SMYD3: variants seen among roughly 807,000 people sequenced by gnomAD.
SMYD3 encodes SET and MYND domain containing 3.
In SMYD3, 36 loss-of-function variants were observed where a neutral mutation model predicts 57.7. That is an observed-to-expected ratio of 0.62 (90% confidence interval 0.48 to 0.82). SMYD3 has a LOEUF of 0.82. SMYD3 is among the 40% of genes least tolerant of loss of function. The pLI is 0.00. For synonymous variants in SMYD3, 211 were observed against 195.0 expected (o/e 1.08, Z -0.68); for missense variants, 515 against 538.8 (o/e 0.96, Z 0.44).
chr1:245,930,918 T>G (rs1207580277), intron 5 of SMYD3: 1 of 152,214 alleles, frequency 6.6e-6, no homozygotes, highest in Non-Finnish European at 1.5e-5. Flanking sequence ...CTGAAGGGAC[T>G]GCTGAAATGA....
At chr1:245,913,351 G>A (rs1245302660) in intron 8 of SMYD3, among the ~76,000 whole-genome samples, 4 of 150,010 alleles carry the variant, frequency 2.7e-5, no homozygotes, top group Non-Finnish European at 4.4e-5. Context: ...ATCACACACC[G>A]GGGCCTGTTG....
intron 1 of SMYD3, among the ~76,000 whole-genome samples, chr1:246,394,128 G>A (rs2066617472): frequency 2.0e-5 from 3 of 152,098 alleles, no homozygotes; most frequent in African/African-American, 7.2e-5. Flanking sequence ...GATACTAGTA[G>A]GACAATCATG....
At chr1:246,441,161 G>A (rs757919110) in intron 1 of SMYD3, among the ~76,000 whole-genome samples, 36 of 152,156 alleles carry the variant, frequency 2.4e-4, no homozygotes, top group Non-Finnish European at 1.5e-4. Context: ...TGAAAGAACC[G>A]ACTAGGAGTT....
At chr1:245,793,669 A>G (rs903123845) in intron 10 of SMYD3, among the ~76,000 whole-genome samples, 19 of 147,494 alleles carry the variant, frequency 1.3e-4, no homozygotes, top group African/African-American at 4.8e-4. Flanking sequence ...CCTCACCTCT[A>G]TGCTGTACCC....
chr1:245,754,838 C>T (rs766913455), intron 11 of SMYD3, among the ~76,000 whole-genome samples: 1 of 152,172 alleles, frequency 6.6e-6, no homozygotes, highest in Non-Finnish European at 1.5e-5. Flanking sequence ...GTCAGAGGGA[C>T]AGAATGTAAA....
At chr1:246,148,976 G>A (rs1233372881) in intron 5 of SMYD3, among the ~76,000 whole-genome samples, 3 of 152,208 alleles carry the variant, frequency 2.0e-5, no homozygotes, top group Non-Finnish European at 4.4e-5. Flanking sequence ...GTGGGTCCCA[G>A]GACAAATGCA....
At chr1:246,412,830 C>T (rs1433412982) in intron 1 of SMYD3, among the ~76,000 whole-genome samples, 2 of 146,106 alleles carry the variant, frequency 1.4e-5, no homozygotes, top group African/African-American at 2.5e-5. Context: ...TGCACTCCAG[C>T]CTCAGCAACA....
intron 10 of SMYD3, among the ~76,000 whole-genome samples, chr1:245,814,861 AGCACACACACACGCACGCACACACGCAT>A (rs1264043337): frequency 6.9e-6 from 1 of 144,744 alleles, no homozygotes; most frequent in Non-Finnish European, 1.5e-5. Flanking sequence ...CACACACGCA[AGCACACACACACGCACGCACACACGCAT>A]GCACACACAC....
intron 1 of SMYD3, among the ~76,000 whole-genome samples, chr1:246,446,943 C>T (rs1162682556): frequency 1.3e-5 from 2 of 151,286 alleles, no homozygotes; most frequent in South Asian, 2.1e-4. Flanking sequence ...GCAGGAGAAT[C>T]GCTTGAACCC....
At chr1:246,288,263 G>A (rs1460088175) in intron 5 of SMYD3, among the ~76,000 whole-genome samples, 4 of 151,550 alleles carry the variant, frequency 2.6e-5, no homozygotes, top group Admixed American at 6.6e-5. Context: ...CAGTAGAGAC[G>A]GGGTTTCACC....
At chr1:246,055,355 C>T (rs1299938378) in intron 5 of SMYD3, among the ~76,000 whole-genome samples, 1 of 152,138 alleles carries the variant, frequency 6.6e-6, no homozygotes, top group Admixed American at 6.5e-5. Flanking sequence ...TACTCCTACT[C>T]TGCAGGCTGA....
chr1:246,122,185 G>C (rs933591282), intron 5 of SMYD3, among the ~76,000 whole-genome samples: 1 of 152,154 alleles, frequency 6.6e-6, no homozygotes, highest in Non-Finnish European at 1.5e-5. Flanking sequence ...AGAGGCAGGA[G>C]AATCTCTTGA....
At chr1:246,272,004 T>G (rs779225733) in intron 5 of SMYD3, among the ~76,000 whole-genome samples, 1 of 152,242 alleles carries the variant, frequency 6.6e-6, no homozygotes, top group Non-Finnish European at 1.5e-5. Flanking sequence ...ATTGTTAAGT[T>G]TTTAACCTCC....
chr1:246,026,358 C>T (rs1401029227), intron 5 of SMYD3, among the ~76,000 whole-genome samples: 1 of 152,128 alleles, frequency 6.6e-6, no homozygotes, highest in East Asian at 1.9e-4. Flanking sequence ...CCTTGAAAGA[C>T]GCACTCCACT....
chr1:246,229,257 T>C (rs1461748043), intron 5 of SMYD3, among the ~76,000 whole-genome samples: 1 of 152,166 alleles, frequency 6.6e-6, no homozygotes, highest in East Asian at 1.9e-4. Context: ...CCTCATCTTA[T>C]CATCCTGCAA....
chr1:245,885,947 C>T (rs1558458536), intron 8 of SMYD3, among the ~76,000 whole-genome samples: 1 of 152,158 alleles, frequency 6.6e-6, no homozygotes, highest in East Asian at 1.9e-4. Flanking sequence ...CCATGTTGAA[C>T]GCAACCTAAT....
intron 1 of SMYD3, among the ~76,000 whole-genome samples, chr1:246,467,204 T>C (rs2067894892): frequency 2.0e-5 from 3 of 152,036 alleles, no homozygotes; most frequent in Admixed American, 6.6e-5. Flanking sequence ...AAAAATAAAA[T>C]ACACTTACCA....
intron 5 of SMYD3, among the ~76,000 whole-genome samples, chr1:246,246,102 T>A (rs1344016128): frequency 6.6e-6 from 1 of 152,206 alleles, no homozygotes; most frequent in Non-Finnish European, 1.5e-5. Context: ...GTTGTTCTAA[T>A]AAACTGAGAC....
intron 10 of SMYD3, 90 bp downstream of exon 10, chr1:245,858,406 A>T (rs1212566580): frequency 7.7e-7 from 1 of 1,303,374 alleles, no homozygotes; most frequent in Non-Finnish European, 1.0e-6. Flanking sequence ...CTCCATGCAA[A>T]GTAGTAATCA....
Sources: gnomAD v4.1 joint callset for allele counts (sites outside exome capture counted in the v4.1 genomes callset) on GRCh38, gnomAD v4.1.1 for gene constraint, MANE v1.5 for transcripts, NCBI Gene and HGNC (gene_info 2026-07-23, HGNC 2026-07-21) for gene names.